The following POC1B variants were observed in gnomAD, a reference collection of about 807,000 sequenced individuals.
The protein encoded by POC1B is POC1 centriolar protein B.
In POC1B, 44 loss-of-function variants were observed where a neutral mutation model predicts 60.6. The observed-to-expected ratio is 0.73, with a 90% CI of 0.57 to 0.93. POC1B has a LOEUF of 0.93. POC1B is among the 40% of genes least tolerant of loss of function. The pLI is 0.00. For synonymous variants in POC1B, 180 were observed against 198.9 expected (o/e 0.90, Z 0.80); for missense variants, 555 against 572.3 (o/e 0.97, Z 0.31).
intron 2 of POC1B, chr12:89,523,897 G>C: frequency 6.3e-7 from 1 of 1,586,996 alleles, no homozygotes; most frequent in Non-Finnish European, 8.5e-7. Context: ...GTCCCCAGTG[G>C]CGAAAGTGGC....
At chr12:89,427,960 A>G (rs1880844386) in intron 10 of POC1B, 2 of 152,246 alleles carry the variant, frequency 1.3e-5, no homozygotes, top group African/African-American at 4.8e-5. Flanking sequence ...GGAAGACAAC[A>G]TACAGCACTT....
At chr12:89,402,813 C>G in the POC1B span, among the ~76,000 whole-genome samples, 1 of 152,152 alleles carries the variant, frequency 6.6e-6, no homozygotes, top group Non-Finnish European at 1.5e-5. Context: ...AATCTTGGCT[C>G]ACTGCAACCT....
At chr12:89,404,136 A>T in the POC1B span, among the ~76,000 whole-genome samples, 1 of 152,132 alleles carries the variant, frequency 6.6e-6, no homozygotes, top group Non-Finnish European at 1.5e-5. Flanking sequence ...CCATCTTAAA[A>T]AAAAAAAAAA....
At chr12:89,522,588 TA>T in intron 2 of POC1B, 1 of 431,710 alleles carries the variant, frequency 2.3e-6, no homozygotes, top group Admixed American at 4.1e-5. Context: ...ACAAAACTCT[TA>T]TATAAAACAA....
chr12:89,516,282 G>A (rs1254364701), intron 2 of POC1B, among the ~76,000 whole-genome samples: 1 of 152,024 alleles, frequency 6.6e-6, no homozygotes, highest in African/African-American at 2.4e-5. Context: ...CTACAGGTTG[G>A]ATATCTTCAA....
chr12:89,463,717 T>C (rs1202259640), intron 9 of POC1B, among the ~76,000 whole-genome samples: 3 of 152,196 alleles, frequency 2.0e-5, no homozygotes, highest in African/African-American at 7.2e-5. Flanking sequence ...GGGGGCTATT[T>C]CACATAGAGA....
chr12:89,439,212 A>G (rs1881407512), intron 10 of POC1B, among the ~76,000 whole-genome samples: 1 of 152,202 alleles, frequency 6.6e-6, no homozygotes, highest in South Asian at 2.1e-4. Flanking sequence ...AAATCATGAA[A>G]ACGCCTGCAT....
At chr12:89,441,744 A>C (rs1000086264) in intron 10 of POC1B, among the ~76,000 whole-genome samples, 2 of 152,260 alleles carry the variant, frequency 1.3e-5, no homozygotes, top group Non-Finnish European at 2.9e-5. Flanking sequence ...CTCGCCAGCA[A>C]CGGAACAAAG....
the POC1B span, among the ~76,000 whole-genome samples, chr12:89,413,689 C>A: frequency 6.6e-6 from 1 of 152,040 alleles, no homozygotes; most frequent in African/African-American, 2.4e-5. Flanking sequence ...TTGTGTGGTT[C>A]AGAATATGAC....
At position 89,525,902 on chromosome 12, in the gene POC1B, A is replaced by T; in HGVS notation, c.-7T>A. The T allele has an allele frequency of 6.8e-7, 1 of 1,476,748 alleles. No individual in the cohort carries two copies. Among genetic ancestry groups the T allele is most frequent in the African/African-American group, 1.4e-5 (1 of 70,878 alleles). The allele number at this position is 1,476,748 out of a possible 1,614,324, so 91.5% of individuals were successfully genotyped here. A position where few individuals can be genotyped will look rare whatever the true frequency, so the allele number is the denominator to read the frequency against. ...TTACCGTGGCTGAGGCCATCGGGGG[A>T]GTGGTCGGCCCAAGGCTCCTGTGGG... On this transcript the variant is annotated 5_prime_UTR_variant, in exon 1 of 12. Transcript: ENST00000313546.
At chr12:89,517,035 A>G (rs1246563229) in intron 2 of POC1B, among the ~76,000 whole-genome samples, 20 of 152,158 alleles carry the variant, frequency 1.3e-4, no homozygotes. Flanking sequence ...GGACTACGAC[A>G]TGGACACATG....
intron 4 of POC1B, among the ~76,000 whole-genome samples, chr12:89,481,908 G>A (rs1868376685): frequency 6.6e-6 from 1 of 152,066 alleles, no homozygotes; most frequent in African/African-American, 2.4e-5. Context: ...ACCCTACACA[G>A]GCTAAATCCA....
intron 2 of POC1B, among the ~76,000 whole-genome samples, chr12:89,504,260 A>T (rs1463746153): frequency 6.6e-6 from 1 of 152,266 alleles, no homozygotes; most frequent in Non-Finnish European, 1.5e-5. Context: ...TTCTGTACTA[A>T]GAAAGATTCT....
At chr12:89,516,898 G>T (rs1870466996) in intron 2 of POC1B, among the ~76,000 whole-genome samples, 1 of 152,008 alleles carries the variant, frequency 6.6e-6, no homozygotes, top group Non-Finnish European at 1.5e-5. Flanking sequence ...TTTTTTACAA[G>T]GACACATCGC....
At chr12:89,415,224 G>C (rs147214566), downstream of POC1B, among the ~76,000 whole-genome samples, 373 of 152,058 alleles carry the variant, frequency 2.5e-3, 1 homozygote, top group African/African-American at 8.5e-3. Context: ...TGCAACATTC[G>C]CTTTGAATTA....
the POC1B span, among the ~76,000 whole-genome samples, chr12:89,404,364 C>A: frequency 6.6e-6 from 1 of 152,148 alleles, no homozygotes; most frequent in Non-Finnish European, 1.5e-5. Flanking sequence ...AAACCCAGCA[C>A]AAGTGTTTGT....
intron 2 of POC1B, 74 bp downstream of exon 2, chr12:89,525,046 C>T: frequency 2.5e-6 from 4 of 1,593,386 alleles, no homozygotes; most frequent in South Asian, 1.1e-5. Flanking sequence ...AGGGACCCTG[C>T]CCGGACAGGA....
Position 89,459,637 on chromosome 12 carries a change from C to G in POC1B, c.1113+1G>C. On this transcript the variant is annotated splice_donor_variant, in intron 10 of 11. Transcript: ENST00000313546. LOFTEE classifies it high-confidence loss of function. ...AAAAAAAAAAAAAAAACCCGACTTA[C>G]TGTGGTAGAATCAAAAGAAAGGATA... 1 of 1,229,526 alleles carries G rather than the reference C, an allele frequency of 8.1e-7. No homozygotes were observed. The highest frequency in any genetic ancestry group is 1.1e-6 in the Non-Finnish European group (1 of 899,344). 76.2% of individuals were successfully genotyped at this position (1,229,526 alleles called of 1,614,324 possible).
chr12:89,516,623 T>C (rs1870453927), intron 2 of POC1B, among the ~76,000 whole-genome samples: 1 of 152,166 alleles, frequency 6.6e-6, no homozygotes, highest in Non-Finnish European at 1.5e-5. Context: ...TCCTAAAACA[T>C]GTCAAGTTTC....
Sources: gnomAD v4.1 joint callset for allele counts (sites outside exome capture counted in the v4.1 genomes callset) on GRCh38, gnomAD v4.1.1 for gene constraint, MANE v1.5 for transcripts, NCBI Gene and HGNC (gene_info 2026-07-23, HGNC 2026-07-21) for gene names.